The following DAPK1 variants were observed in gnomAD, a reference collection of about 807,000 sequenced individuals.
The protein encoded by DAPK1 is death associated protein kinase 1.
DAPK1 carries 56 observed loss-of-function variants against 144.9 expected under a neutral mutation model. That is an observed-to-expected ratio of 0.39 (90% CI 0.31 to 0.48). The LOEUF is 0.48. Ranked by LOEUF, DAPK1 falls within the 20% of genes least tolerant of loss-of-function variation. DAPK1 has a pLI of 0.95. For synonymous variants in DAPK1, 690 were observed against 749.0 expected (o/e 0.92, Z 1.29); for missense variants, 1,454 against 1,875.4 (o/e 0.78, Z 4.15).
At chr9:87,669,549 A>T (rs760656324) in intron 19 of DAPK1, among the ~76,000 whole-genome samples, 30 of 152,214 alleles carry the variant, frequency 2.0e-4, no homozygotes, top group Non-Finnish European at 4.1e-4. Flanking sequence ...AATGGTAATC[A>T]TTTTTTTAAA....
At chr9:87,635,187 A>G (rs1337334767) in intron 3 of DAPK1, among the ~76,000 whole-genome samples, 5 of 152,184 alleles carry the variant, frequency 3.3e-5, no homozygotes, top group African/African-American at 1.2e-4. Flanking sequence ...AAAGCTGGCC[A>G]GAGAAGAGCG....
intron 3 of DAPK1, among the ~76,000 whole-genome samples, chr9:87,611,336 A>G (rs1587768010): frequency 1.3e-5 from 2 of 152,016 alleles, no homozygotes; most frequent in East Asian, 1.9e-4. Flanking sequence ...TTTTTCCTAG[A>G]GACGGGGTGT....
intron 3 of DAPK1, among the ~76,000 whole-genome samples, chr9:87,614,388 T>C (rs1331006623): frequency 6.6e-6 from 1 of 152,158 alleles, no homozygotes; most frequent in Non-Finnish European, 1.5e-5. Flanking sequence ...TCTGTTTATC[T>C]CCAAGAAAGA....
At chr9:87,513,362 GT>G (rs944280778) in intron 2 of DAPK1, among the ~76,000 whole-genome samples, 25 of 152,276 alleles carry the variant, frequency 1.6e-4, no homozygotes, top group African/African-American at 5.8e-4. Context: ...ATGGAAAAAT[GT>G]TTTTTGGAGT....
At chr9:87,579,243 A>C (rs1827664970) in intron 2 of DAPK1, among the ~76,000 whole-genome samples, 1 of 152,218 alleles carries the variant, frequency 6.6e-6, no homozygotes. Flanking sequence ...TCACTAAAAT[A>C]ATCAGAGAAT....
intron 3 of DAPK1, among the ~76,000 whole-genome samples, chr9:87,635,080 T>C (rs1829842760): frequency 6.6e-6 from 1 of 151,956 alleles, no homozygotes; most frequent in African/African-American, 2.4e-5. Flanking sequence ...TGAACCATGG[T>C]CCCCTCGTTT....
chr9:87,577,503 G>T (rs1827606748), intron 2 of DAPK1, among the ~76,000 whole-genome samples: 2 of 152,254 alleles, frequency 1.3e-5, no homozygotes, highest in South Asian at 2.1e-4. Flanking sequence ...TGTTTTAAAA[G>T]ATTCCATCAG....
chr9:87,518,253 A>C lies in DAPK1; in HGVS notation c.62+19114A>C, dbSNP rs529972835. 6.7e-5 allele frequency among the ~76,000 whole-genome samples: 10 copies of C among 149,552 alleles called. No individual in the cohort carries two copies. In the South Asian group the frequency reaches 2.1e-3, roughly 32 times the overall value. ...CAGTCTCCCATGTAGCTGGGATTACAGGCGTGCCCCACCACACCCAGCTAA... is the reference window on the plus strand; with the variant it reads ...CAGTCTCCCATGTAGCTGGGATTACCGGCGTGCCCCACCACACCCAGCTAA... On this transcript the variant is annotated intron_variant, in intron 2 of 25. Transcript: ENST00000408954.
intron 2 of DAPK1, among the ~76,000 whole-genome samples, chr9:87,529,175 T>C (rs1191862527): frequency 6.6e-6 from 1 of 152,220 alleles, no homozygotes; most frequent in East Asian, 1.9e-4. Context: ...ACTTGATCTC[T>C]CAAGTCGCCT....
chr9:87,647,626 G>T (rs948884557), intron 14 of DAPK1, among the ~76,000 whole-genome samples: 3 of 152,176 alleles, frequency 2.0e-5, no homozygotes, highest in Non-Finnish European at 4.4e-5. Context: ...TAATACGCAC[G>T]CATTGAATTA....
chr9:87,597,413 GA>G (rs1249847040), intron 2 of DAPK1, among the ~76,000 whole-genome samples: 1 of 152,254 alleles, frequency 6.6e-6, no homozygotes, highest in Admixed American at 6.5e-5. Flanking sequence ...CAATGGGGGG[GA>G]AAATGTAGAG....
Position 87,679,074 on chromosome 9 carries a change from G to A in DAPK1, c.2002-2330G>A, listed in dbSNP as rs926043398. Among the ~76,000 whole-genome samples, 6 of 151,900 alleles carry A rather than the reference G, an allele frequency of 3.9e-5. No homozygotes were observed. The East Asian group carries it at 5.8e-4, about 15-fold the overall frequency. On this transcript the variant is annotated intron_variant, in intron 19 of 25. Coordinates refer to ENST00000408954, the MANE Select transcript of DAPK1 (RefSeq NM_004938.4). ...GATTTAGAACTGAAGGAATGGTCCC[G>A]CCAGGTGTAGATCACATGGAGGTGC...
intron 14 of DAPK1, among the ~76,000 whole-genome samples, chr9:87,648,023 C>T (rs1325067480): frequency 2.6e-5 from 4 of 152,236 alleles, no homozygotes; most frequent in Non-Finnish European, 4.4e-5. Flanking sequence ...CTGTACAATA[C>T]TTCTCTGCTT....
chr9:87,639,811 A>G lies in DAPK1; in HGVS notation c.625A>G (p.Ile209Val), dbSNP rs1404348430. ...TAGGAGTATCGGGGTAATAACCTATATCCTGTAAGTATCAGAATTCACAAC... is the reference window on the plus strand; with the variant it reads ...TAGGAGTATCGGGGTAATAACCTATGTCCTGTAAGTATCAGAATTCACAAC... ...DMWSIGVITY[I>V]LLSGASPFLG... is the part of the protein sequence containing the mutation. The change falls in exon 7 of 26, where the codon ATC (isoleucine) becomes GTC (valine). Residue 209 changes from isoleucine (I) to valine (V), a missense_variant. By Grantham distance (29) the Ile-to-Val change is conservative (BLOSUM62 3). Coordinates refer to ENST00000408954, the MANE Select transcript of DAPK1 (RefSeq NM_004938.4). The G allele has an allele frequency of 6.2e-7, 1 of 1,613,390 alleles. No homozygotes were observed. Among genetic ancestry groups the G allele is most frequent in the Non-Finnish European group, 8.5e-7 (1 of 1,179,538 alleles).
Position 87,603,057 on chromosome 9 carries a change from G to A in DAPK1, c.63-1897G>A, listed in dbSNP as rs568921657. ...TTGGCCATGTGTGAGGTATGAATGG[G>A]CCCAGCCTCTGGAACTGTCAGCTTG... On this transcript the variant is annotated intron_variant, in intron 2 of 25. Transcript: ENST00000408954. 2.6e-5 allele frequency among the ~76,000 whole-genome samples: 4 copies of A among 152,190 alleles called. No individual in the cohort carries two copies. In the South Asian group the frequency reaches 8.3e-4, roughly 32 times the overall value.
chr9:87,542,642 C>T (rs1200613998), intron 2 of DAPK1, among the ~76,000 whole-genome samples: 1 of 152,162 alleles, frequency 6.6e-6, no homozygotes, highest in Non-Finnish European at 1.5e-5. Flanking sequence ...CTCACCAAAC[C>T]CTCTGAGGTA....
intron 2 of DAPK1, among the ~76,000 whole-genome samples, chr9:87,546,474 G>A (rs1222957907): frequency 1.3e-5 from 2 of 152,134 alleles, no homozygotes; most frequent in Non-Finnish European, 2.9e-5. Context: ...GGTAGGGGTG[G>A]GTGGTCTGAG....
chr9:87,573,964 T>C (rs1827456370), intron 2 of DAPK1, among the ~76,000 whole-genome samples: 2 of 151,918 alleles, frequency 1.3e-5, no homozygotes, highest in African/African-American at 4.8e-5. Flanking sequence ...ATAGAAGGAG[T>C]CTAGGCTGAT....
At position 87,697,010 on chromosome 9, in the gene DAPK1, T is replaced by A; in HGVS notation, c.2417T>A (p.Val806Asp). 6.5e-7 allele frequency: 1 copy of A among 1,529,722 alleles called. No individual in the cohort carries two copies. The highest frequency in any genetic ancestry group is 9.1e-7 in the Non-Finnish European group (1 of 1,102,806). The allele number at this position is 1,529,722 out of a possible 1,614,324, so 94.8% of individuals were successfully genotyped here. A position where few individuals can be genotyped will look rare whatever the true frequency, so the allele number is the denominator to read the frequency against. ...IDIQNAYLNG[V>D]GDFSVWEFSG... is the part of the protein sequence containing the mutation. ...TATCATTTTTCTTTTTCTGTAGGAG[T>A]TGGCGATTTCAGCGTGTGGGAGTTC... Residue 806 changes from valine to aspartate, a missense_variant, in exon 22 of 26, where the codon GTT (valine) becomes GAT (aspartate). This residue lies in a region of DAPK1 where 1,025 missense variants were observed against 1,237.9 expected (regional missense o/e 0.83). Transcript: ENST00000408954.
Sources: gnomAD v4.1 joint callset for allele counts (sites outside exome capture counted in the v4.1 genomes callset) on GRCh38, gnomAD v4.1.1 for gene constraint, gnomAD v4.1.1 regional missense constraint, MANE v1.5 for transcripts, NCBI Gene and HGNC (gene_info 2026-07-23, HGNC 2026-07-21) for gene names.